The following FOXP1 variants were observed in gnomAD, a reference collection of about 807,000 sequenced individuals.
FOXP1 encodes the protein forkhead box protein P1.
FOXP1 carries 15 observed loss-of-function variants against 98.2 expected under a neutral mutation model. The ratio of observed to expected loss-of-function variants is 0.15; its 90% CI spans 0.10 to 0.24. FOXP1 has a LOEUF of 0.24. FOXP1 is among the 10% of genes least tolerant of loss of function. The probability of loss-of-function intolerance (pLI) is 1.00; values close to 1 mark genes in which losing one functional copy is unlikely to be tolerated. For missense variants in FOXP1, 633 were observed against 848.5 expected (o/e 0.75, Z 3.15); for synonymous variants, 371 against 314.5 (o/e 1.18, Z -1.90).
chr3:71,494,677 T>C (rs2091287015), intron 2 of FOXP1, among the ~76,000 whole-genome samples: 1 of 152,180 alleles, frequency 6.6e-6, no homozygotes, highest in South Asian at 2.1e-4. Flanking sequence ...TTGGAGAGCA[T>C]TTCAAAATAC....
At chr3:71,413,933 T>C (rs1219990938) in intron 3 of FOXP1, among the ~76,000 whole-genome samples, 1 of 151,990 alleles carries the variant, frequency 6.6e-6, no homozygotes, top group East Asian at 1.9e-4. Flanking sequence ...GACATGGAAT[T>C]ACGAGAAGGA....
At chr3:71,218,057 T>C (rs931381591) in intron 5 of FOXP1, among the ~76,000 whole-genome samples, 2 of 152,164 alleles carry the variant, frequency 1.3e-5, no homozygotes, top group African/African-American at 4.8e-5. Context: ...GTCCCTATCA[T>C]ATTACTAATG....
At chr3:71,159,883 A>C (rs1253090610) in intron 6 of FOXP1, among the ~76,000 whole-genome samples, 4 of 152,222 alleles carry the variant, frequency 2.6e-5, no homozygotes, top group Non-Finnish European at 4.4e-5. Flanking sequence ...TAATTAACAC[A>C]GTTACGCTCA....
intron 5 of FOXP1, among the ~76,000 whole-genome samples, chr3:71,222,986 A>G (rs1463571739): frequency 6.6e-6 from 1 of 152,152 alleles, no homozygotes; most frequent in Non-Finnish European, 1.5e-5. Flanking sequence ...TATATATTGA[A>G]TAAATTTTTC....
intron 2 of FOXP1, among the ~76,000 whole-genome samples, chr3:71,580,072 C>A (rs2107877732): frequency 6.6e-6 from 1 of 151,958 alleles, no homozygotes; most frequent in South Asian, 2.1e-4. Flanking sequence ...CGTGTAGCAG[C>A]TCCTGACAAC....
At chr3:71,543,110 G>A (rs922724654) in intron 2 of FOXP1, among the ~76,000 whole-genome samples, 8 of 152,150 alleles carry the variant, frequency 5.3e-5, no homozygotes, top group South Asian at 2.1e-4. Context: ...AGTGTCTGCC[G>A]AGTTATTCCC....
At chr3:71,171,726 A>C (rs999871949) in intron 6 of FOXP1, among the ~76,000 whole-genome samples, 1 of 152,266 alleles carries the variant, frequency 6.6e-6, no homozygotes, top group African/African-American at 2.4e-5. Flanking sequence ...AGAGGGAGAC[A>C]CAGACTGGAA....
At chr3:71,180,174 C>A (rs1419934717) in intron 6 of FOXP1, among the ~76,000 whole-genome samples, 1 of 151,828 alleles carries the variant, frequency 6.6e-6, no homozygotes, top group Non-Finnish European at 1.5e-5. Context: ...AAAAAAAAAA[C>A]CCACCTTTTT....
intron 7 of FOXP1, among the ~76,000 whole-genome samples, chr3:71,091,878 C>G (rs184602579): frequency 1.3e-3 from 196 of 152,242 alleles, no homozygotes; most frequent in Non-Finnish European, 2.4e-3. Flanking sequence ...CTGGCTTTTA[C>G]AAAAGCCAAC....
intron 11 of FOXP1, among the ~76,000 whole-genome samples, chr3:71,025,100 G>T (rs749402628): frequency 6.6e-6 from 1 of 152,078 alleles, no homozygotes; most frequent in Non-Finnish European, 1.5e-5. Context: ...CTATTTAAAC[G>T]AGACGATTTA....
At chr3:71,496,961 A>AGTGTGTGTTTGTGTGT (rs1553901508) in intron 2 of FOXP1, among the ~76,000 whole-genome samples, 3 of 149,374 alleles carry the variant, frequency 2.0e-5, no homozygotes, top group Non-Finnish European at 4.5e-5. Flanking sequence ...GGTGTGTGGA[A>AGTGTGTGTTTGTGTGT]GTGTGTGTGT....
intron 5 of FOXP1, among the ~76,000 whole-genome samples, chr3:71,268,017 C>T (rs1271881831): frequency 2.1e-4 from 20 of 94,984 alleles, no homozygotes; most frequent in East Asian, 3.3e-4. Context: ...GACTCCGTCT[C>T]AAAAAAAAAA....
At chr3:71,057,486 T>A (rs907557064) in intron 7 of FOXP1, among the ~76,000 whole-genome samples, 26 of 148,496 alleles carry the variant, frequency 1.8e-4, no homozygotes, top group South Asian at 4.3e-4. Flanking sequence ...AAAAAAAAAA[T>A]TTCCGATACT....
At chr3:71,573,050 C>T (rs148539499) in intron 2 of FOXP1, among the ~76,000 whole-genome samples, 36 of 152,260 alleles carry the variant, frequency 2.4e-4, no homozygotes, top group Admixed American at 1.2e-3. Flanking sequence ...AAAATCTATT[C>T]ATTTTCAAAA....
intron 7 of FOXP1, among the ~76,000 whole-genome samples, chr3:71,088,718 T>C (rs1260466297): frequency 6.6e-6 from 1 of 152,236 alleles, no homozygotes; most frequent in Admixed American, 6.5e-5. Context: ...AAACTACTTA[T>C]TTTGCCTTAA....
intron 2 of FOXP1, chr3:71,581,315 C>A: frequency 1.0e-6 from 1 of 985,362 alleles, no homozygotes; most frequent in Non-Finnish European, 1.2e-6. Flanking sequence ...CCACGCTAAA[C>A]TTTGATCTCC....
chr3:71,171,275 T>G (rs544615812), intron 6 of FOXP1, among the ~76,000 whole-genome samples: 1 of 152,210 alleles, frequency 6.6e-6, no homozygotes, highest in East Asian at 1.9e-4. Context: ...TATAGATAAA[T>G]AGAAGAAATG....
intron 2 of FOXP1, among the ~76,000 whole-genome samples, chr3:71,510,273 G>A (rs563869096): frequency 1.4e-4 from 21 of 152,082 alleles, no homozygotes; most frequent in African/African-American, 5.1e-4. Context: ...TGTATCACTT[G>A]AGGACCAGCC....
chr3:71,386,939 T>G (rs1253534732), intron 3 of FOXP1, among the ~76,000 whole-genome samples: 1 of 152,126 alleles, frequency 6.6e-6, no homozygotes, highest in Non-Finnish European at 1.5e-5. Flanking sequence ...CCATCTTACA[T>G]CAGCTACCTT....
Sources: allele counts gnomAD v4.1 joint callset (sites outside exome capture counted in the v4.1 genomes callset), GRCh38; gene constraint gnomAD v4.1.1; transcripts MANE v1.5; gene names NCBI Gene and HGNC (gene_info 2026-07-23, HGNC 2026-07-21).